The following SYN1 variants were observed in gnomAD, a reference collection of about 807,000 sequenced individuals.
SYN1 encodes synapsin-1.
In SYN1, 8 loss-of-function variants were observed where a neutral mutation model predicts 44.6. That is an observed-to-expected ratio of 0.18 (90% CI 0.11 to 0.32). SYN1 has a LOEUF of 0.32. Ranked by LOEUF, SYN1 falls within the 10% of genes least tolerant of loss-of-function variation. The probability of loss-of-function intolerance (pLI) is 1.00; values close to 1 mark genes in which losing one functional copy is unlikely to be tolerated. For missense variants in SYN1, 451 were observed against 639.4 expected, an observed-to-expected ratio of 0.71 and a Z score of 3.18; for synonymous variants, 275 against 280.1, an observed-to-expected ratio of 0.98 and a Z score of 0.18.
chrX:47,595,423 C>T (rs1307763957), intron 5 of SYN1, among the ~76,000 whole-genome samples: 1 of 111,479 alleles, frequency 9.0e-6, no homozygotes, highest in East Asian at 2.8e-4. Flanking sequence ...TCCTGTGGGA[C>T]TACACCCTTA....
chrX:47,594,649 T>C (rs2057858496), intron 5 of SYN1, among the ~76,000 whole-genome samples: 1 of 111,834 alleles, frequency 8.9e-6, no homozygotes, highest in Non-Finnish European at 1.9e-5. Context: ...AGACAGGCCT[T>C]GCTGGGTTTC....
chrX:47,582,693 C>A, intron 5 of SYN1: 1 of 265,469 alleles, frequency 3.8e-6, no homozygotes. Context: ...ACATCCGCCC[C>A]CAATTCCCCC....
At chrX:47,614,451 T>C (rs1341037934) in intron 1 of SYN1, among the ~76,000 whole-genome samples, 1 of 110,634 alleles carries the variant, frequency 9.0e-6, no homozygotes, top group Non-Finnish European at 1.9e-5. Context: ...AAGGAGAGGA[T>C]GAATATCATT....
chrX:47,595,168 T>C (rs1173619001), intron 5 of SYN1, among the ~76,000 whole-genome samples: 1 of 111,762 alleles, frequency 8.9e-6, no homozygotes, highest in Non-Finnish European at 1.9e-5. Flanking sequence ...GGGTGGGGCA[T>C]GGAAGCTCTG....
intron 9 of SYN1, 26 bp from the exon 10 acceptor site, chrX:47,575,300 G>T: frequency 8.3e-7 from 1 of 1,205,635 alleles, no homozygotes. Context: ...GATCCGTGAG[G>T]GGAGAGGCAG....
intron 3 of SYN1, among the ~76,000 whole-genome samples, 193 bp downstream of exon 3, chrX:47,606,752 T>TA (rs369347566): frequency 0.017 from 1,569 of 94,499 alleles, 49 homozygotes; most frequent in African/African-American, 0.065. Context: ...TATATATATA[T>TA]TTTTTTTTAA....
At position 47,587,465 on chromosome X, in the gene SYN1, A is replaced by T. The variant is rs777885444; in HGVS notation, c.775-9964T>A. On this transcript the variant is annotated intron_variant, in intron 5 of 12. Transcript: ENST00000295987. ...GGATGGAGAGAAGGTATGAGCTAAA[A>T]ATCCCCAAGCTCTGCCATCCTCCCT... 17 of 112,833 alleles carry T rather than the reference A, an allele frequency of 1.5e-4. No homozygotes were observed. In the South Asian group the frequency reaches 5.9e-3, roughly 39 times the overall value. 9.3% of individuals were successfully genotyped at this position (112,833 alleles called of 1,213,427 possible).
chrX:47,606,453 G>C (rs1334666467), intron 3 of SYN1, among the ~76,000 whole-genome samples: 1 of 110,215 alleles, frequency 9.1e-6, no homozygotes, highest in Non-Finnish European at 1.9e-5. Flanking sequence ...GCTGGGTGTG[G>C]CGGCTCATGC....
At chrX:47,607,551 C>T (rs73496268) in intron 1 of SYN1, among the ~76,000 whole-genome samples, 2,601 of 109,821 alleles carry the variant, frequency 0.024, 91 homozygotes, top group African/African-American at 0.082. Context: ...TTTGAAATTG[C>T]ATGGAGACCG....
At chrX:47,583,686 A>G (rs2057809800) in intron 5 of SYN1, 3 of 644,579 alleles carry the variant, frequency 4.7e-6, no homozygotes, top group Non-Finnish European at 6.5e-6. Flanking sequence ...CACTTCCTTG[A>G]GTACTCTGTG....
chrX:47,583,379 G>C (rs2057808019), intron 5 of SYN1: 1 of 1,173,397 alleles, frequency 8.5e-7, no homozygotes, highest in African/African-American at 1.8e-5. Context: ...GCTGGGCCGG[G>C]GCCTGCCTGA....
At chrX:47,579,612 G>A (rs1238686203) in intron 5 of SYN1, among the ~76,000 whole-genome samples, 2 of 105,003 alleles carry the variant, frequency 1.9e-5, no homozygotes, top group Admixed American at 1.0e-4. Flanking sequence ...CACAATAACC[G>A]GATCCACACG....
rs750190559 is a variant in SYN1 at position 47,576,260 on chromosome X, T to G, written c.1056-27A>C. 1.1e-4 allele frequency: 128 copies of G among 1,200,425 alleles called. 1 individual carries two copies. The South Asian group carries it at 2.2e-3, about 21-fold the overall frequency. On this transcript the variant is annotated intron_variant, in intron 8 of 12. Transcript: ENST00000295987. ...TGCCAAGACAAAGGGTGGGGAAGCC[T>G]GTCAGTCTCTCACCTGAGCTGTCGT... is the stretch of plus-strand genomic sequence containing the variant.
chrX:47,585,521 C>T (rs2057820586), intron 5 of SYN1: 2 of 1,198,204 alleles, frequency 1.7e-6, no homozygotes, highest in South Asian at 3.6e-5. Flanking sequence ...CTTGTCGGTC[C>T]CCGCCCCGCC....
intron 5 of SYN1, among the ~76,000 whole-genome samples, chrX:47,583,196 TC>T (rs2057807142): frequency 1.3e-5 from 1 of 77,693 alleles, no homozygotes; most frequent in Non-Finnish European, 2.4e-5. Flanking sequence ...ACTCAGTCCC[TC>T]AATAATTTAA....
intron 5 of SYN1, chrX:47,584,911 C>T: frequency 8.6e-7 from 1 of 1,164,137 alleles, no homozygotes; most frequent in Non-Finnish European, 1.2e-6. Flanking sequence ...GTCCATTTGA[C>T]TCATATTTCC....
At chrX:47,582,458 C>T in intron 5 of SYN1, 1 of 265,118 alleles carries the variant, frequency 3.8e-6, no homozygotes, top group Non-Finnish European at 7.6e-6. Flanking sequence ...GATCCAGCGC[C>T]CAGAGAGACA....
At chrX:47,585,054 C>T (rs1482830161) in intron 5 of SYN1, 3 of 1,191,428 alleles carry the variant, frequency 2.5e-6, no homozygotes, top group Non-Finnish European at 3.4e-6. Flanking sequence ...CATTTTCTAA[C>T]ATCTTCCTCC....
intron 1 of SYN1, among the ~76,000 whole-genome samples, chrX:47,610,487 C>T (rs1358314452): frequency 9.5e-6 from 1 of 104,801 alleles, no homozygotes; most frequent in East Asian, 3.1e-4. Flanking sequence ...TCCTGGAAAC[C>T]AGACCAAAAA....
Sources: gnomAD v4.1 joint callset for allele counts (sites outside exome capture counted in the v4.1 genomes callset) on GRCh38, gnomAD v4.1.1 for gene constraint, MANE v1.5 for transcripts, NCBI Gene and HGNC (gene_info 2026-07-23, HGNC 2026-07-21) for gene names.